The following SYNE2 variants were observed in gnomAD, a reference collection of about 807,000 sequenced individuals.
SYNE2 encodes nesprin-2.
A neutral mutation model predicts 856.3 loss-of-function variants in SYNE2; 431 were observed. The observed-to-expected ratio is 0.50, with a 90% CI of 0.47 to 0.55. SYNE2 has a LOEUF of 0.55. SYNE2 is among the 20% of genes least tolerant of loss of function. SYNE2 has a pLI of 0.00. For synonymous variants in SYNE2, 2,923 were observed against 2,872.3 expected, an observed-to-expected ratio of 1.02 and a Z score of -0.56; for missense variants, 8,129 against 8,023.2, an observed-to-expected ratio of 1.01 and a Z score of -0.50.
At chr14:64,078,707 G>A in intron 55 of SYNE2, 101 bp downstream of exon 55, 2 of 1,442,704 alleles carry the variant, frequency 1.4e-6, no homozygotes, top group Non-Finnish European at 1.9e-6. Flanking sequence ...TTAATCTGAA[G>A]CACAGAAATT....
At chr14:64,045,650 T>G (rs1228341334) in intron 45 of SYNE2, among the ~76,000 whole-genome samples, 1 of 151,644 alleles carries the variant, frequency 6.6e-6, no homozygotes, top group African/African-American at 2.4e-5. Context: ...ACAGTGTGCC[T>G]GAATACATTG....
chr14:63,818,410 C>G (rs555569795), intron 1 of SYNE2, among the ~76,000 whole-genome samples: 4 of 150,716 alleles, frequency 2.7e-5, no homozygotes, highest in African/African-American at 4.9e-5. Flanking sequence ...CCCAGCTACT[C>G]GAGAGGCTGA....
intron 99 of SYNE2, among the ~76,000 whole-genome samples, chr14:64,200,468 C>T (rs888428950): frequency 1.3e-5 from 2 of 152,140 alleles, no homozygotes. Context: ...TCTCAGCTAC[C>T]CTGGTAGTTG....
At chr14:64,143,101 A>G (rs536897713) in intron 82 of SYNE2, among the ~76,000 whole-genome samples, 1 of 152,322 alleles carries the variant, frequency 6.6e-6, no homozygotes, top group South Asian at 2.1e-4. Context: ...CGAAAAGTCT[A>G]CACGTGTATA....
At chr14:63,975,091 A>G (rs1454193395) in intron 11 of SYNE2, among the ~76,000 whole-genome samples, 1 of 150,676 alleles carries the variant, frequency 6.6e-6, no homozygotes, top group African/African-American at 2.4e-5. Context: ...TGTGGCTTTT[A>G]TTTATCTGGT....
At chr14:64,183,994 G>A (rs1278967654) in intron 96 of SYNE2, among the ~76,000 whole-genome samples, 3 of 149,612 alleles carry the variant, frequency 2.0e-5, no homozygotes, top group African/African-American at 7.4e-5. Context: ...AGGGGGAGAG[G>A]GAGAGGGAGC....
At chr14:63,874,274 G>T (rs1382840094) in intron 1 of SYNE2, among the ~76,000 whole-genome samples, 1 of 152,088 alleles carries the variant, frequency 6.6e-6, no homozygotes, top group Non-Finnish European at 1.5e-5. Flanking sequence ...AATACTTTTG[G>T]TACTGGAGGT....
In SYNE2 at chr14:64,121,010, T is replaced by C. The variant is rs146617536; in HGVS notation, c.13107T>C (p.Ile4369=). The C allele has an allele frequency of 1.3e-5, 21 of 1,614,068 alleles. No homozygotes were observed. The highest frequency in any genetic ancestry group is 3.3e-5 in the South Asian group (3 of 91,096). ...QPVNLSELES[I]VTERPQFSRQ... The stretch of plus-strand genomic sequence containing the variant: ...TTAACCTTTCTGAATTGGAATCCAT[T>C]GTAACTGAAAGGCCACAATTCAGCA... Residue 4369 remains isoleucine (I), a synonymous_variant, in exon 68 of 116, where the codon ATT becomes ATC. Transcript: ENST00000555002.
chr14:64,170,562 C>T (rs183683374), intron 94 of SYNE2, 100 bp downstream of exon 94: 1 of 1,219,846 alleles, frequency 8.2e-7, no homozygotes, highest in African/African-American at 1.5e-5. Flanking sequence ...TGATGTGATC[C>T]AAGTGGGCTC....
At chr14:64,035,515 A>ATTTATT (rs2097080345) in intron 45 of SYNE2, among the ~76,000 whole-genome samples, 4 of 121,714 alleles carry the variant, frequency 3.3e-5, no homozygotes, top group Non-Finnish European at 6.6e-5. Flanking sequence ...TACATGGTAC[A>ATTTATT]TTTTTTTTTT....
intron 1 of SYNE2, chr14:63,808,401 A>T (rs1454470703): frequency 6.6e-6 from 1 of 152,368 alleles, no homozygotes; most frequent in Non-Finnish European, 1.5e-5. Context: ...AGGCAAGAGA[A>T]TTGCTTGAAC....
At chr14:64,182,712 T>G (rs989647169) in intron 96 of SYNE2, among the ~76,000 whole-genome samples, 2 of 152,130 alleles carry the variant, frequency 1.3e-5, no homozygotes, top group Non-Finnish European at 2.9e-5. Context: ...GGGGGTAAGG[T>G]CATAGATTAA....
Position 64,113,367 on chromosome 14 carries a change from C to G in SYNE2, c.12636C>G (p.Asp4212Glu), listed in dbSNP as rs752924139. The G allele has an allele frequency of 1.1e-4, 179 of 1,613,928 alleles. 1 individual carries two copies. The Admixed American group carries it at 2.9e-3, about 26-fold the overall frequency. The part of the protein sequence containing the change: ...EEGTTPPIEA[D>E]TLDSSDAQGG... ...GCACCACACCTCCTATTGAGGCTGA[C>G]ACTCTGGACTCTTCTGACGCGCAAG... The change falls in exon 66 of 116, where the codon GAC becomes GAG. Residue 4212 changes from aspartate (D) to glutamate (E), a missense_variant. Asp to Glu is a conservative substitution (Grantham distance 45, BLOSUM62 2). Coordinates refer to ENST00000555002, the MANE Select transcript of SYNE2 (RefSeq NM_182914.3).
chr14:64,146,436 C>T (rs573082881), intron 84 of SYNE2, among the ~76,000 whole-genome samples: 186 of 152,236 alleles, frequency 1.2e-3, no homozygotes, highest in African/African-American at 4.1e-3. Context: ...GTACTTTCAC[C>T]GTTACAGTAT....
chr14:64,040,027 G>A (rs1269314442), intron 45 of SYNE2, among the ~76,000 whole-genome samples: 1 of 152,198 alleles, frequency 6.6e-6, no homozygotes, highest in Admixed American at 6.5e-5. Flanking sequence ...CAGGTTTTGA[G>A]TCTAAATTTA....
intron 87 of SYNE2, among the ~76,000 whole-genome samples, 192 bp from the exon 88 acceptor site, chr14:64,161,880 A>T (rs1410212662): frequency 6.6e-6 from 1 of 152,220 alleles, no homozygotes; most frequent in African/African-American, 2.4e-5. Flanking sequence ...AAAGTCAAGT[A>T]AATAGCCTAA....
intron 32 of SYNE2, 84 bp from the exon 33 acceptor site, chr14:64,016,389 C>T (rs563834533): frequency 1.9e-5 from 17 of 902,652 alleles, no homozygotes; most frequent in Non-Finnish European, 2.7e-5. Context: ...TGTTTTTAAG[C>T]TCAATATCCA....
At chr14:64,014,478 G>A (rs935173582) in intron 32 of SYNE2, among the ~76,000 whole-genome samples, 3 of 152,122 alleles carry the variant, frequency 2.0e-5, no homozygotes, top group African/African-American at 7.2e-5. Context: ...CCAGGTTGGA[G>A]TGCCATGGCA....
chr14:63,821,210 A>G (rs1889198543), intron 1 of SYNE2, among the ~76,000 whole-genome samples: 1 of 152,162 alleles, frequency 6.6e-6, no homozygotes, highest in Admixed American at 6.6e-5. Context: ...CTACATTTCA[A>G]AGACAATATT....
Sources: allele counts gnomAD v4.1 joint callset (sites outside exome capture counted in the v4.1 genomes callset), GRCh38; gene constraint gnomAD v4.1.1; transcripts MANE v1.5; gene names NCBI Gene and HGNC (gene_info 2026-07-23, HGNC 2026-07-21).